Variants in RNF182 observed in about 807,000 individuals in gnomAD.
RNF182 encodes the protein E3 ubiquitin-protein ligase RNF182.
RNF182 carries 15 observed loss-of-function variants against 14.4 expected under a neutral mutation model. That is an observed-to-expected ratio of 1.04 (90% confidence interval 0.70 to 1.60). The LOEUF (loss-of-function observed/expected upper bound fraction) is 1.60, where lower values mean the gene tolerates loss of function less well. RNF182 is among the 40% of genes most tolerant of loss of function. The probability of loss-of-function intolerance (pLI) is 0.00; values close to 1 mark genes in which losing one functional copy is unlikely to be tolerated. For synonymous variants in RNF182, 128 were observed against 122.9 expected, an observed-to-expected ratio of 1.04 and a Z score of -0.27; for missense variants, 268 against 294.8, an observed-to-expected ratio of 0.91 and a Z score of 0.67.
intron 1 of RNF182, chr6:13,925,253 G>A (rs571772067): frequency 5.2e-4 from 79 of 152,120 alleles, no homozygotes; most frequent in African/African-American, 1.8e-3. Flanking sequence ...GCTGTGCGGC[G>A]GAGGGCGGCT....
chr6:13,966,015 G>A (rs1760019297), intron 1 of RNF182, among the ~76,000 whole-genome samples: 2 of 152,134 alleles, frequency 1.3e-5, no homozygotes, highest in South Asian at 4.1e-4. Context: ...GTACTCTCCT[G>A]AGGACGGAGC....
In RNF182 at chr6:13,953,089, T is replaced by G. The variant is rs1023591978; in HGVS notation, c.-366-21121T>G. Among the ~76,000 whole-genome samples, 9 of 152,340 alleles carry G rather than the reference T, an allele frequency of 5.9e-5. No individual in the cohort carries two copies. The East Asian group carries it at 1.7e-3, about 29-fold the overall frequency. ...TCAGGACATTTCCTGGGTCTGTTATTTACTGGGTTTGTTAAGTCCTGGGTC... is the reference window on the plus strand; with the variant it reads ...TCAGGACATTTCCTGGGTCTGTTATGTACTGGGTTTGTTAAGTCCTGGGTC... On this transcript the variant is annotated intron_variant, in intron 1 of 2. Coordinates refer to ENST00000488300, the MANE Select transcript of RNF182 (RefSeq NM_152737.4).
At chr6:13,966,764 A>ACCCCC (rs536883694) in intron 1 of RNF182, among the ~76,000 whole-genome samples, 9 of 49,246 alleles carry the variant, frequency 1.8e-4, no homozygotes, top group African/African-American at 5.4e-4. Flanking sequence ...ACCTGTCCCC[A>ACCCCC]CCCCCCCACC....
At chr6:13,947,022 C>T (rs753289826) in intron 1 of RNF182, among the ~76,000 whole-genome samples, 11 of 150,880 alleles carry the variant, frequency 7.3e-5, no homozygotes, top group Non-Finnish European at 1.5e-4. Flanking sequence ...GCAATATATT[C>T]TACAACTGTA....
chr6:13,963,908 A>T (rs570630135), intron 1 of RNF182, among the ~76,000 whole-genome samples: 1 of 152,264 alleles, frequency 6.6e-6, no homozygotes, highest in African/African-American at 2.4e-5. Flanking sequence ...GCCACACATG[A>T]TAGGGGCTAG....
rs1760433957 is a variant in RNF182 at position 13,979,346 on chromosome 6, T to C, written c.*1483T>C. The C allele has an allele frequency of 6.0e-6, 1 of 166,966 alleles. No homozygotes were observed. The allele number at this position is 166,966 out of a possible 1,614,324, so 10.3% of individuals were successfully genotyped here. On this transcript the variant is annotated 3_prime_UTR_variant, in exon 3 of 3. Coordinates refer to ENST00000488300, the MANE Select transcript of RNF182 (RefSeq NM_152737.4). The stretch of plus-strand genomic sequence containing the variant: ...TTACTAATGATTAACATTAAAATAT[T>C]TGTAACTCTTAGAAAGGGGGCATTA...
chr6:13,945,906 A>G (rs1274050460), intron 1 of RNF182, among the ~76,000 whole-genome samples: 1 of 152,142 alleles, frequency 6.6e-6, no homozygotes, highest in Non-Finnish European at 1.5e-5. Context: ...GAGTAAAGTG[A>G]AAACAAGTAC....
intron 1 of RNF182, among the ~76,000 whole-genome samples, chr6:13,935,559 C>T (rs280146): frequency 0.37 from 55,526 of 152,000 alleles, 11,374 homozygotes; most frequent in Admixed American, 0.5. Context: ...GAATGACTTA[C>T]AAGCTACATA....
intron 1 of RNF182, among the ~76,000 whole-genome samples, chr6:13,969,594 T>C (rs1041972528): frequency 1.3e-5 from 2 of 152,222 alleles, no homozygotes; most frequent in African/African-American, 4.8e-5. Flanking sequence ...GGAGGGACTT[T>C]GCTTTAAAAT....
intron 1 of RNF182, chr6:13,949,414 T>C: frequency 4.1e-6 from 3 of 737,288 alleles, no homozygotes; most frequent in South Asian, 2.9e-5. Flanking sequence ...AGAGAAAGAC[T>C]GTGAAAGCTG....
chr6:13,965,998 A>G (rs565244462), intron 1 of RNF182, among the ~76,000 whole-genome samples: 34 of 152,254 alleles, frequency 2.2e-4, no homozygotes, highest in African/African-American at 7.7e-4. Flanking sequence ...TTTTGAGTGG[A>G]CTGGAAGTAC....
chr6:13,929,098 T>G (rs1416196211), intron 1 of RNF182, among the ~76,000 whole-genome samples: 1 of 152,164 alleles, frequency 6.6e-6, no homozygotes, highest in African/African-American at 2.4e-5. Context: ...AAAACGTGAC[T>G]CTCTTGAATT....
intron 1 of RNF182, among the ~76,000 whole-genome samples, chr6:13,927,122 G>C (rs1758850539): frequency 6.6e-6 from 1 of 152,134 alleles, no homozygotes; most frequent in Admixed American, 6.5e-5. Context: ...ATCATGTATT[G>C]CATGCACTGC....
chr6:13,966,007 A>T (rs111595001), intron 1 of RNF182, among the ~76,000 whole-genome samples: 1 of 152,118 alleles, frequency 6.6e-6, no homozygotes, highest in African/African-American at 2.4e-5. Flanking sequence ...GACTGGAAGT[A>T]CTCTCCTGAG....
At chr6:13,958,932 G>A (rs1191906603) in intron 1 of RNF182, among the ~76,000 whole-genome samples, 1 of 152,086 alleles carries the variant, frequency 6.6e-6, no homozygotes, top group Admixed American at 6.5e-5. Context: ...TCTTATTCTT[G>A]TTAGTTCCCT....
chr6:13,941,393 A>G (rs1759295324), intron 1 of RNF182, among the ~76,000 whole-genome samples: 1 of 152,058 alleles, frequency 6.6e-6, no homozygotes, highest in Non-Finnish European at 1.5e-5. Context: ...TAGTGTTTGC[A>G]TGGTATATCT....
Position 13,978,885 on chromosome 6 carries a change from G to C in RNF182, c.*1022G>C, listed in dbSNP as rs1760420956. ...AGTTAATGAGATGCTTCAGCTCACAGTTTGAAGTGCTGAGAACCTAAGTAT... is the reference window on the plus strand; with the variant it reads ...AGTTAATGAGATGCTTCAGCTCACACTTTGAAGTGCTGAGAACCTAAGTAT... On this transcript the variant is annotated 3_prime_UTR_variant, in exon 3 of 3. Transcript: ENST00000488300. The C allele has an allele frequency of 6.0e-6, 1 of 167,090 alleles. No individual in the cohort carries two copies. Among genetic ancestry groups the C allele is most frequent in the South Asian group, 2.1e-4 (1 of 4,824 alleles). 10.4% of individuals were successfully genotyped at this position (167,090 alleles called of 1,614,324 possible).
At chr6:13,958,013 T>C (rs990426716) in intron 1 of RNF182, among the ~76,000 whole-genome samples, 7 of 152,288 alleles carry the variant, frequency 4.6e-5, no homozygotes, top group Middle Eastern at 3.4e-3. Context: ...TTTTTCAACA[T>C]GTATTGAGAG....
At chr6:13,949,432 T>C in intron 1 of RNF182, 1 of 713,446 alleles carries the variant, frequency 1.4e-6, no homozygotes, top group Non-Finnish European at 2.6e-6. Flanking sequence ...CTGTCATCTA[T>C]AGGTTTCTTT....
Sources: allele counts gnomAD v4.1 joint callset (sites outside exome capture counted in the v4.1 genomes callset), GRCh38; gene constraint gnomAD v4.1.1; transcripts MANE v1.5; gene names NCBI Gene and HGNC (gene_info 2026-07-23, HGNC 2026-07-21).